Variants in TBC1D14 observed in about 807,000 individuals in gnomAD.
TBC1D14 encodes TBC1 domain family, member 14.
A neutral mutation model predicts 79.0 loss-of-function variants in TBC1D14; 26 were observed. That is an observed-to-expected ratio of 0.33 (90% CI 0.24 to 0.46). The LOEUF is 0.46. Among genes scored for constraint, TBC1D14 ranks in the 20% least tolerant of loss-of-function variants. TBC1D14 has a pLI of 1.00. For synonymous variants in TBC1D14, 394 were observed against 349.9 expected (o/e 1.13, Z -1.40); for missense variants, 769 against 887.6 (o/e 0.87, Z 1.70).
At chr4:6,955,051 CACTT>C (rs1714496485) in intron 2 of TBC1D14, among the ~76,000 whole-genome samples, 1 of 152,232 alleles carries the variant, frequency 6.6e-6, no homozygotes, top group Non-Finnish European at 1.5e-5. Context: ...AATAGAACCT[CACTT>C]TCTTTCTTCG....
In TBC1D14 at chr4:6,941,881, G is replaced by A. The variant is rs28620599; in HGVS notation, c.722+17770G>A. Among the ~76,000 whole-genome samples, 808 of 152,268 alleles carry A rather than the reference G, an allele frequency of 5.3e-3. 6 individuals carry two copies. The highest frequency in any genetic ancestry group is 0.018 in the African/African-American group (765 of 41,560). ...CTCCAGGTGTGTGTTTAGGTCCTTT[G>A]CCAGCCCACCTTCCTTCTGCCCTAG... On this transcript the variant is annotated intron_variant, in intron 2 of 13. Transcript: ENST00000409757.
chr4:6,935,303 CAACCT>C (rs1389241315), intron 2 of TBC1D14, among the ~76,000 whole-genome samples: 1 of 151,864 alleles, frequency 6.6e-6, no homozygotes, highest in Non-Finnish European at 1.5e-5. Context: ...AATTTGAAAA[CAACCT>C]AGTAAGAGAA....
chr4:6,987,900 A>C (rs891240645), intron 3 of TBC1D14, among the ~76,000 whole-genome samples: 1 of 152,236 alleles, frequency 6.6e-6, no homozygotes, highest in Non-Finnish European at 1.5e-5. Context: ...TGACTATTAG[A>C]AAAGGACTCC....
intron 4 of TBC1D14, 43 bp from the exon 5 acceptor site, chr4:6,996,282 T>C (rs1348264399): frequency 1.3e-6 from 2 of 1,503,108 alleles, no homozygotes; most frequent in Non-Finnish European, 9.2e-7. Context: ...AAGACTTCTA[T>C]GCGGTATTTA....
Position 6,991,069 on chromosome 4 carries a change from T to A in TBC1D14, c.844-3115T>A, listed in dbSNP as rs923899192. ...GTCACCATTTCCAACACCATTTCTC[T>A]TCTGAAAGGGTGCCTAAGGTTTTGG... is the stretch of plus-strand genomic sequence containing the variant. On this transcript the variant is annotated intron_variant, in intron 3 of 13. Coordinates refer to ENST00000409757, the MANE Select transcript of TBC1D14 (RefSeq NM_020773.3). Among the ~76,000 whole-genome samples the A allele has an allele frequency of 2.0e-5, 3 of 152,186 alleles. No homozygotes were observed. The South Asian group carries it at 6.2e-4, about 32-fold the overall frequency.
At chr4:7,016,736 A>G (rs1031146998) in intron 12 of TBC1D14, among the ~76,000 whole-genome samples, 2 of 152,216 alleles carry the variant, frequency 1.3e-5, no homozygotes, top group African/African-American at 4.8e-5. Flanking sequence ...TGTTCTATTT[A>G]TTCCAAAAAA....
chr4:6,984,583 G>T (rs1421987835), intron 3 of TBC1D14, among the ~76,000 whole-genome samples: 1 of 152,116 alleles, frequency 6.6e-6, no homozygotes, highest in Non-Finnish European at 1.5e-5. Flanking sequence ...ATACTCAAAT[G>T]ATAGATGCAA....
At chr4:6,985,460 A>T (rs796522578) in intron 3 of TBC1D14, among the ~76,000 whole-genome samples, 4 of 152,346 alleles carry the variant, frequency 2.6e-5, no homozygotes, top group African/African-American at 9.6e-5. Context: ...CCAGTAAGAG[A>T]TAAAACTTAT....
At chr4:7,005,586 C>T (rs1720107988) in intron 8 of TBC1D14, among the ~76,000 whole-genome samples, 1 of 151,968 alleles carries the variant, frequency 6.6e-6, no homozygotes, top group Non-Finnish European at 1.5e-5. Context: ...GTAATCCCAC[C>T]TACTCGGGAG....
chr4:6,989,610 C>G (rs945699891), intron 3 of TBC1D14, among the ~76,000 whole-genome samples: 4 of 152,196 alleles, frequency 2.6e-5, no homozygotes, highest in Non-Finnish European at 4.4e-5. Flanking sequence ...CTGCCTGCAT[C>G]GTATTGCCCC....
chr4:6,959,480 G>C (rs1038394002), intron 2 of TBC1D14, among the ~76,000 whole-genome samples: 1 of 152,140 alleles, frequency 6.6e-6, no homozygotes, highest in Non-Finnish European at 1.5e-5. Context: ...TGAAGGCTGT[G>C]GTCCTCCTGC....
rs778558174 is a variant in TBC1D14, at chr4:7,010,686, A to C, written c.1552A>C (p.Ile518Leu). ...QGMSFIAAVL[I>L]LNLDTADAFI... ...CATGTCCTTCATAGCAGCAGTGTTG[A>C]TCTTGAACTTAGATACTGCAGATGC... The change falls in exon 11 of 14, where the codon ATC becomes CTC. Residue 518 changes from isoleucine to leucine, a missense_variant. This residue lies in a region of TBC1D14 where 367 missense variants were observed against 494.4 expected (regional missense o/e 0.74). Transcript: ENST00000409757. 6.2e-7 allele frequency: 1 copy of C among 1,614,008 alleles called. No individual in the cohort carries two copies. The highest frequency in any genetic ancestry group is 8.5e-7 in the Non-Finnish European group (1 of 1,179,990).
At chr4:6,966,428 C>T (rs1715704278) in intron 2 of TBC1D14, among the ~76,000 whole-genome samples, 1 of 152,190 alleles carries the variant, frequency 6.6e-6, no homozygotes, top group African/African-American at 2.4e-5. Flanking sequence ...ACCTTGTGAT[C>T]ATCTCATGAG....
intron 3 of TBC1D14, among the ~76,000 whole-genome samples, chr4:6,993,423 T>C (rs1718709176): frequency 6.6e-6 from 1 of 152,144 alleles, no homozygotes. Context: ...CACGGGTGAA[T>C]CGGTGACCCA....
intron 4 of TBC1D14, among the ~76,000 whole-genome samples, chr4:6,994,586 C>T (rs1275196706): frequency 2.0e-5 from 3 of 152,120 alleles, no homozygotes; most frequent in East Asian, 1.9e-4. Flanking sequence ...CAGTGGCTCA[C>T]GCCTGTAATC....
In TBC1D14 at chr4:6,978,849, G is replaced by A. The variant is rs1717094943; in HGVS notation, c.843+11425G>A. On this transcript the variant is annotated intron_variant, in intron 3 of 13. Coordinates refer to ENST00000409757, the MANE Select transcript of TBC1D14 (RefSeq NM_020773.3). Reference sequence around the variant, plus strand: ...TGGGGTTCTTATTCCTATTGAGATTGATTTGGGGAACGTTTTCAAATCAGT... The same window carrying A: ...TGGGGTTCTTATTCCTATTGAGATTAATTTGGGGAACGTTTTCAAATCAGT... Among the ~76,000 whole-genome samples, 2 of 150,558 alleles carry A rather than the reference G, an allele frequency of 1.3e-5. 1 individual carries two copies. Among genetic ancestry groups the A allele is most frequent in the East Asian group, 3.9e-4 (2 of 5,146 alleles).
chr4:6,951,104 A>G (rs945236266), intron 2 of TBC1D14, among the ~76,000 whole-genome samples: 8 of 152,202 alleles, frequency 5.3e-5, no homozygotes, highest in African/African-American at 1.7e-4. Context: ...AGCCTGGCCA[A>G]CATGGTGAAA....
intron 13 of TBC1D14, among the ~76,000 whole-genome samples, chr4:7,025,779 C>A (rs1722305131): frequency 1.3e-5 from 2 of 152,220 alleles, no homozygotes; most frequent in Non-Finnish European, 2.9e-5. Flanking sequence ...CTGCTGTGCC[C>A]TCTCTGGGCT....
rs10012590 is a variant in TBC1D14 at position 7,022,671 on chromosome 4, A to T, written c.1758-2333A>T. Among the ~76,000 whole-genome samples the T allele has an allele frequency of 4.5e-4, 68 of 152,092 alleles. 1 individual carries two copies. In the Middle Eastern group the frequency reaches 0.014, roughly 30 times the overall value. On this transcript the variant is annotated intron_variant, in intron 12 of 13. Transcript: ENST00000409757. ...GAGGTGGAAGCTCATGGGATTGGAA[A>T]TGGATTTGTCTCATGGAAATGCAGA...
Sources: gnomAD v4.1 joint callset for allele counts (sites outside exome capture counted in the v4.1 genomes callset) on GRCh38, gnomAD v4.1.1 for gene constraint, gnomAD v4.1.1 regional missense constraint, MANE v1.5 for transcripts, NCBI Gene and HGNC (gene_info 2026-07-23, HGNC 2026-07-21) for gene names.